SETD7: variants seen among roughly 807,000 people sequenced by gnomAD.
SETD7 encodes the protein SET domain containing 7, histone lysine methyltransferase.
In SETD7, 16 loss-of-function variants were observed where a neutral mutation model predicts 41.8. The ratio of observed to expected loss-of-function variants is 0.38; its 90% confidence interval spans 0.26 to 0.58. The LOEUF is 0.58. SETD7 is among the 20% of genes least tolerant of loss of function. The pLI, the probability that SETD7 is intolerant of heterozygous loss-of-function variation, is 0.64. For missense variants in SETD7, 346 were observed against 459.7 expected (o/e 0.75, Z 2.26); for synonymous variants, 163 against 169.7 (o/e 0.96, Z 0.31).
At position 139,517,628 on chromosome 4, in the gene SETD7, C is replaced by A. The variant is rs541262681; in HGVS notation, c.920+257G>T. Among the ~76,000 whole-genome samples the A allele has an allele frequency of 4.6e-5, 7 of 152,282 alleles. No individual in the cohort carries two copies. The South Asian group carries it at 1.5e-3, about 32-fold the overall frequency. ...AAGAAAAGCGGCTATAAAACAGCAA[C>A]CCCTCGGTGTGGTATACTATTTCCA... On this transcript the variant is annotated intron_variant, in intron 7 of 7. Transcript: ENST00000274031.
chr4:139,552,628 C>T (rs920935951), intron 1 of SETD7, among the ~76,000 whole-genome samples: 3 of 152,144 alleles, frequency 2.0e-5, no homozygotes. Context: ...CCCTGTCTTC[C>T]CCTCCACTTT....
chr4:139,545,070 T>C (rs2111169769), intron 2 of SETD7, among the ~76,000 whole-genome samples: 1 of 152,240 alleles, frequency 6.6e-6, no homozygotes, highest in African/African-American at 2.4e-5. Flanking sequence ...CAGAATAAGG[T>C]TAAAAGTGAC....
exon 8 of SETD7, chr4:139,496,245 T>C (rs552588860): frequency 1.8e-6 from 1 of 564,952 alleles, no homozygotes; most frequent in South Asian, 2.4e-5. Flanking sequence ...TCTTTTCAGA[T>C]CTTAAAATGG....
At chr4:139,538,710 T>TTTTTTTTTTTTTTTTTTTTG (rs1727705614) in intron 2 of SETD7, among the ~76,000 whole-genome samples, 1 of 152,112 alleles carries the variant, frequency 6.6e-6, no homozygotes, top group African/African-American at 2.4e-5. Context: ...ATAATGTTCT[T>TTTTTTTTTTTTTTTTTTTTG]AACATGCTTA....
chr4:139,531,559 A>C (rs1006548144), intron 3 of SETD7, among the ~76,000 whole-genome samples: 2 of 152,238 alleles, frequency 1.3e-5, no homozygotes, highest in Admixed American at 1.3e-4. Flanking sequence ...TCTCCTAAGC[A>C]GTACGTGTTA....
chr4:139,537,189 G>A (rs1044118817), intron 2 of SETD7, among the ~76,000 whole-genome samples: 11 of 152,118 alleles, frequency 7.2e-5, no homozygotes, highest in Non-Finnish European at 1.5e-4. Context: ...TGGTCAGGCT[G>A]TTCTCGAACT....
downstream of SETD7, among the ~76,000 whole-genome samples, chr4:139,495,302 G>A (rs1726432939): frequency 6.6e-6 from 1 of 152,166 alleles, no homozygotes; most frequent in African/African-American, 2.4e-5. Context: ...TCTTCTTTTA[G>A]AGGTTATATC....
At chr4:139,523,314 C>T (rs1449316512) in intron 5 of SETD7, 40 bp downstream of exon 5, 1 of 1,471,364 alleles carries the variant, frequency 6.8e-7, no homozygotes. Flanking sequence ...TATTTAACCT[C>T]ACATAAACAG....
downstream of SETD7, among the ~76,000 whole-genome samples, chr4:139,505,374 A>C (rs913964236): frequency 1.3e-5 from 2 of 152,182 alleles, no homozygotes; most frequent in Non-Finnish European, 2.9e-5. Flanking sequence ...AGATCACTTG[A>C]GGTCAGGAGT....
At position 139,511,360 on chromosome 4, in the gene SETD7, T is replaced by A; in HGVS notation, c.*303A>T. On this transcript the variant is annotated 3_prime_UTR_variant, in exon 8 of 8. Coordinates refer to ENST00000274031, the MANE Select transcript of SETD7 (RefSeq NM_030648.4). ...ACCCCGTTTCCCTGTTTCAGTCTAA[T>A]CATTTGGCATCTCCGAATGTGGTAC... 5.8e-6 allele frequency: 2 copies of A among 343,158 alleles called. No homozygotes were observed. The highest frequency in any genetic ancestry group is 6.3e-5 in the South Asian group (2 of 31,800). The allele number at this position is 343,158 out of a possible 1,614,324, so 21.3% of individuals were successfully genotyped here. A position where few individuals can be genotyped will look rare whatever the true frequency, so the allele number is the denominator to read the frequency against.
chr4:139,534,654 A>T (rs1381477992), intron 2 of SETD7, among the ~76,000 whole-genome samples: 1 of 152,104 alleles, frequency 6.6e-6, no homozygotes, highest in East Asian at 1.9e-4. Flanking sequence ...CCTCCCAGCC[A>T]CAACTAGTCA....
chr4:139,539,401 C>T (rs1727725590), intron 2 of SETD7, among the ~76,000 whole-genome samples: 1 of 152,126 alleles, frequency 6.6e-6, no homozygotes, highest in Non-Finnish European at 1.5e-5. Flanking sequence ...GAGATGCAAC[C>T]CATCTGCTAG....
chr4:139,515,035 G>A (rs113650424), intron 7 of SETD7, among the ~76,000 whole-genome samples: 10 of 151,994 alleles, frequency 6.6e-5, no homozygotes, highest in Admixed American at 2.0e-4. Flanking sequence ...GCGTGATGGC[G>A]CATGCCTGTA....
At chr4:139,496,634 A>G (rs1726461943) in intron 7 of SETD7, 1 of 610,730 alleles carries the variant, frequency 1.6e-6, no homozygotes, top group Admixed American at 2.9e-5. Flanking sequence ...ACCCAGCTGC[A>G]TTTTTCTAAA....
chr4:139,515,524 C>G (rs2111127143), intron 7 of SETD7, among the ~76,000 whole-genome samples: 1 of 152,282 alleles, frequency 6.6e-6, no homozygotes, highest in South Asian at 2.1e-4. Flanking sequence ...TGTTTGTTAC[C>G]ACCCCTTTAA....
At chr4:139,546,117 AG>A (rs1441008699) in intron 2 of SETD7, 1 of 152,458 alleles carries the variant, frequency 6.6e-6, no homozygotes, top group Non-Finnish European at 1.5e-5. Context: ...GTCCTCAGAC[AG>A]GGGATGAGAG....
chr4:139,533,096 A>G (rs1727532893), intron 3 of SETD7, 69 bp downstream of exon 3: 2 of 1,394,014 alleles, frequency 1.4e-6, no homozygotes, highest in Non-Finnish European at 2.0e-6. Context: ...CACAGAATAC[A>G]TTTTACTCTT....
intron 4 of SETD7, among the ~76,000 whole-genome samples, chr4:139,528,390 G>A (rs762924208): frequency 2.6e-5 from 4 of 152,158 alleles, no homozygotes; most frequent in African/African-American, 4.8e-5. Flanking sequence ...ACTTGATTTG[G>A]TTCTTTATTA....
downstream of SETD7, among the ~76,000 whole-genome samples, chr4:139,503,176 T>C (rs1350951335): frequency 4.9e-5 from 3 of 61,084 alleles, no homozygotes; most frequent in Non-Finnish European, 1.0e-4. Flanking sequence ...AGACTCTGTC[T>C]CAGAAAAAAA....
Sources: allele counts gnomAD v4.1 joint callset (sites outside exome capture counted in the v4.1 genomes callset), GRCh38; gene constraint gnomAD v4.1.1; transcripts MANE v1.5; gene names NCBI Gene and HGNC (gene_info 2026-07-23, HGNC 2026-07-21).